FAF1: variants seen among roughly 807,000 people sequenced by gnomAD.
FAF1 encodes the protein Fas associated factor 1.
A neutral mutation model predicts 92.5 loss-of-function variants in FAF1; 25 were observed. That is an observed-to-expected ratio of 0.27 (90% confidence interval 0.20 to 0.38). The LOEUF (loss-of-function observed/expected upper bound fraction) is 0.38. Among genes scored for constraint, FAF1 ranks in the 10% least tolerant of loss-of-function variants. FAF1 has a pLI of 1.00. For synonymous variants in FAF1, 234 were observed against 273.2 expected (o/e 0.86, Z 1.42); for missense variants, 636 against 793.3 (o/e 0.80, Z 2.38).
intron 17 of FAF1, among the ~76,000 whole-genome samples, chr1:50,486,585 A>G (rs940398741): frequency 1.3e-5 from 2 of 151,620 alleles, no homozygotes; most frequent in South Asian, 2.1e-4. Flanking sequence ...TCCTAGTTAG[A>G]TATCAGCTTC....
intron 9 of FAF1, among the ~76,000 whole-genome samples, chr1:50,590,640 T>C (rs1033344028): frequency 1.2e-4 from 19 of 152,230 alleles, no homozygotes; most frequent in Non-Finnish European, 4.4e-5. Flanking sequence ...TCTTGCCTAA[T>C]TGCCCTGGCC....
intron 6 of FAF1, among the ~76,000 whole-genome samples, chr1:50,719,540 T>C (rs574800782): frequency 1.3e-5 from 2 of 152,200 alleles, no homozygotes; most frequent in African/African-American, 2.4e-5. Context: ...TTAATCAATA[T>C]AGTGATATAT....
chr1:50,621,267 G>C (rs1044119031), intron 8 of FAF1, among the ~76,000 whole-genome samples: 12 of 152,302 alleles, frequency 7.9e-5, no homozygotes, highest in African/African-American at 2.6e-4. Flanking sequence ...GGCTGCAAAG[G>C]GGGTGCTGTG....
At chr1:50,614,410 A>AG (rs1652814211) in intron 8 of FAF1, among the ~76,000 whole-genome samples, 2 of 152,214 alleles carry the variant, frequency 1.3e-5, no homozygotes, top group East Asian at 1.9e-4. Flanking sequence ...ATTAGAGTTA[A>AG]GGGGGGAAAA....
intron 2 of FAF1, among the ~76,000 whole-genome samples, chr1:50,835,694 G>T (rs1185046711): frequency 6.6e-6 from 1 of 150,766 alleles, no homozygotes; most frequent in African/African-American, 2.4e-5. Context: ...AATTTAATAA[G>T]ATTCATGAAA....
chr1:50,813,177 T>C (rs888575374), intron 2 of FAF1, among the ~76,000 whole-genome samples: 1 of 151,872 alleles, frequency 6.6e-6, no homozygotes. Flanking sequence ...AATTTTCCTA[T>C]ATAAGAAACC....
At chr1:50,683,250 G>A (rs1656504415) in intron 7 of FAF1, among the ~76,000 whole-genome samples, 2 of 152,086 alleles carry the variant, frequency 1.3e-5, no homozygotes, top group South Asian at 2.1e-4. Context: ...ACCTCGGCCG[G>A]GTGTGGTGGC....
At chr1:50,463,448 T>C (rs1358196741) in intron 18 of FAF1, among the ~76,000 whole-genome samples, 1 of 152,210 alleles carries the variant, frequency 6.6e-6, no homozygotes, top group African/African-American at 2.4e-5. Context: ...AGAGATAGTC[T>C]TGGGGACCCC....
At chr1:50,457,936 G>A (rs114127904) in intron 18 of FAF1, among the ~76,000 whole-genome samples, 7,273 of 150,532 alleles carry the variant, frequency 0.048, 214 homozygotes, top group East Asian at 0.076. Flanking sequence ...GTTATCGACC[G>A]GGCGCGGTGG....
intron 1 of FAF1, among the ~76,000 whole-genome samples, chr1:50,957,603 C>T (rs1645279750): frequency 6.6e-6 from 1 of 152,030 alleles, no homozygotes; most frequent in Non-Finnish European, 1.5e-5. Flanking sequence ...TCCGCCCCCT[C>T]AGCCTCCCAA....
chr1:50,705,236 G>A (rs1657625870), intron 7 of FAF1, among the ~76,000 whole-genome samples: 1 of 152,192 alleles, frequency 6.6e-6, no homozygotes, highest in Admixed American at 6.5e-5. Context: ...TTTTGAAACA[G>A]TGGCCCTGGT....
At chr1:50,598,892 C>A (rs1474182167) in intron 8 of FAF1, among the ~76,000 whole-genome samples, 2 of 151,984 alleles carry the variant, frequency 1.3e-5, no homozygotes, top group Non-Finnish European at 2.9e-5. Flanking sequence ...ATTGCTTGAA[C>A]CTGGGAAGTG....
At chr1:50,951,471 A>G (rs557488635) in intron 1 of FAF1, among the ~76,000 whole-genome samples, 64 of 152,220 alleles carry the variant, frequency 4.2e-4, no homozygotes, top group African/African-American at 1.4e-3. Context: ...GTGCTATCTT[A>G]TTTTTCATAT....
intron 1 of FAF1, among the ~76,000 whole-genome samples, chr1:50,908,016 T>C (rs1259594365): frequency 1.3e-5 from 2 of 152,244 alleles, no homozygotes; most frequent in African/African-American, 2.4e-5. Context: ...TTTAGTGCTA[T>C]AAATTTCCCT....
intron 4 of FAF1, among the ~76,000 whole-genome samples, chr1:50,779,012 T>C (rs150062413): frequency 6.6e-6 from 1 of 152,382 alleles, no homozygotes; most frequent in East Asian, 1.9e-4. Flanking sequence ...CAATTAAGTT[T>C]ATGTCACATT....
rs138740256 is a variant in FAF1 at position 50,825,902 on chromosome 1, G to T, written c.115-24225C>A. On this transcript the variant is annotated intron_variant, in intron 2 of 18. Transcript: ENST00000396153. ...TGCTTCTATACTTGAAAATCAAGCAGTATACCTCAAAATAACTCTCAGGGT... is the reference window on the plus strand; with the variant it reads ...TGCTTCTATACTTGAAAATCAAGCATTATACCTCAAAATAACTCTCAGGGT... Among the ~76,000 whole-genome samples, 27 of 152,102 alleles carry T rather than the reference G, an allele frequency of 1.8e-4. No homozygotes were observed. The East Asian group carries it at 5.0e-3, about 28-fold the overall frequency.
At chr1:50,631,830 C>T (rs987343805) in intron 8 of FAF1, among the ~76,000 whole-genome samples, 1 of 152,086 alleles carries the variant, frequency 6.6e-6, no homozygotes, top group African/African-American at 2.4e-5. Flanking sequence ...AATGAATGGT[C>T]ATGTGTTGCA....
chr1:50,512,930 T>C (rs1265514346), intron 15 of FAF1, among the ~76,000 whole-genome samples: 1 of 152,196 alleles, frequency 6.6e-6, no homozygotes, highest in Non-Finnish European at 1.5e-5. Flanking sequence ...TCTGTTGGTG[T>C]CCATAAGTGC....
intron 1 of FAF1, among the ~76,000 whole-genome samples, chr1:50,888,421 A>C (rs1163657384): frequency 1.3e-5 from 2 of 152,102 alleles, no homozygotes; most frequent in Non-Finnish European, 2.9e-5. Context: ...TGTTGAAAAG[A>C]AGTGGTGAGA....
Sources: allele counts gnomAD v4.1 joint callset (sites outside exome capture counted in the v4.1 genomes callset), GRCh38; gene constraint gnomAD v4.1.1; transcripts MANE v1.5; gene names NCBI Gene and HGNC (gene_info 2026-07-23, HGNC 2026-07-21).